ZNF592: variants seen among roughly 807,000 people sequenced by gnomAD.
The protein encoded by ZNF592 is zinc finger protein 592, also known as spinocerebellar ataxia, autosomal recessive 5.
In ZNF592, 11 loss-of-function variants were observed where a neutral mutation model predicts 80.3. The ratio of observed to expected loss-of-function variants is 0.14; its 90% CI spans 0.09 to 0.23. The LOEUF (loss-of-function observed/expected upper bound fraction) is 0.23. ZNF592 is among the 10% of genes least tolerant of loss of function. ZNF592 has a pLI of 1.00. For missense variants in ZNF592, 1,420 were observed against 1,633.9 expected, an observed-to-expected ratio of 0.87 and a Z score of 2.26; for synonymous variants, 646 against 640.3, an observed-to-expected ratio of 1.01 and a Z score of -0.13.
intron 1 of ZNF592, among the ~76,000 whole-genome samples, chr15:84,755,371 A>G (rs1022840463): frequency 2.6e-5 from 4 of 152,092 alleles, no homozygotes; most frequent in South Asian, 2.1e-4. Flanking sequence ...GGCTCAAGCA[A>G]TCCTCCTGCC....
chr15:84,755,344 C>G (rs1400578835), intron 1 of ZNF592, among the ~76,000 whole-genome samples: 5 of 151,868 alleles, frequency 3.3e-5, no homozygotes, highest in African/African-American at 1.2e-4. Flanking sequence ...ATTGCCTAGG[C>G]TAGCCTCAAA....
chr15:84,752,382 G>A (rs532747720), intron 1 of ZNF592, among the ~76,000 whole-genome samples: 17 of 152,272 alleles, frequency 1.1e-4, no homozygotes, highest in Admixed American at 4.6e-4. Flanking sequence ...GCACAGTTGC[G>A]GTTAAAGAGC....
intron 1 of ZNF592, among the ~76,000 whole-genome samples, chr15:84,755,776 C>T (rs1402977331): frequency 2.0e-5 from 3 of 152,098 alleles, no homozygotes; most frequent in African/African-American, 7.2e-5. Context: ...GAACTATGTC[C>T]CTATAGAGAT....
chr15:84,765,115 T>G (rs561263541), intron 2 of ZNF592, among the ~76,000 whole-genome samples: 4 of 152,268 alleles, frequency 2.6e-5, no homozygotes, highest in Non-Finnish European at 4.4e-5. Flanking sequence ...ATTCTACTTC[T>G]TGTCTCTATG....
intron 5 of ZNF592, among the ~76,000 whole-genome samples, chr15:84,792,314 C>T (rs186880355): frequency 2.7e-5 from 4 of 150,292 alleles, no homozygotes; most frequent in Admixed American, 6.6e-5. Context: ...CATTTTCCAG[C>T]GGACATTGAG....
chr15:84,750,999 G>T (rs1351098259), intron 1 of ZNF592, among the ~76,000 whole-genome samples: 1 of 152,216 alleles, frequency 6.6e-6, no homozygotes, highest in East Asian at 1.9e-4. Context: ...TAGCCCCTGT[G>T]CAGGGAATGG....
Position 84,784,763 on chromosome 15 carries a change from C to T in ZNF592, c.2088C>T (p.Ala696=). 1.2e-6 allele frequency: 2 copies of T among 1,614,184 alleles called. No homozygotes were observed. The highest frequency in any genetic ancestry group is 1.6e-4 in the Middle Eastern group (1 of 6,062). The change falls in exon 4 of 11, where the codon GCC becomes GCT. Residue 696 remains alanine (A), a synonymous_variant. Coordinates refer to ENST00000560079, the MANE Select transcript of ZNF592 (RefSeq NM_014630.3). The surrounding 1 kb of genome is among the most constrained non-coding windows in gnomAD (Gnocchi z 5.8). ...GCAGTGCCAGTCCCCCTCCTCCAGC[C>T]TTGCCACTCTACCCAGACCCTGTGA... The part of the protein sequence containing the change: ...TSGSASPPPP[A]LPLYPDPVRL...
chr15:84,777,197 C>A (rs1158984158), intron 2 of ZNF592, among the ~76,000 whole-genome samples: 2 of 150,780 alleles, frequency 1.3e-5, no homozygotes, highest in Non-Finnish European at 3.0e-5. Flanking sequence ...AAAAGAGGGG[C>A]TGGGCGCAGT....
chr15:84,788,099 A>G (rs1489168179), intron 4 of ZNF592, among the ~76,000 whole-genome samples: 1 of 152,190 alleles, frequency 6.6e-6, no homozygotes, highest in Non-Finnish European at 1.5e-5. Flanking sequence ...AAGCAATAAA[A>G]ACTTGATTAG....
At chr15:84,770,636 G>C (rs1899671218) in intron 2 of ZNF592, among the ~76,000 whole-genome samples, 1 of 151,932 alleles carries the variant, frequency 6.6e-6, no homozygotes, top group Non-Finnish European at 1.5e-5. Context: ...AGTTCTCCAT[G>C]TATAAAAAAT....
At position 84,799,713 on chromosome 15, in the gene ZNF592, C is replaced by G. The variant is rs932545662; in HGVS notation, c.3138-129C>G. The G allele has an allele frequency of 6.3e-6, 9 of 1,430,536 alleles. No homozygotes were observed. The highest frequency in any genetic ancestry group is 8.7e-6 in the Non-Finnish European group (9 of 1,029,764). The allele number at this position is 1,430,536 out of a possible 1,614,324, so 88.6% of individuals were successfully genotyped here. A position where few individuals can be genotyped will look rare whatever the true frequency, so the allele number is the denominator to read the frequency against. The stretch of plus-strand genomic sequence containing the variant: ...TGGCTGGCCTGCTGGCTGGATCTCT[C>G]TGGGGTTCCCAGCACTAGCCAGCCC... On this transcript the variant is annotated intron_variant, in intron 9 of 10. Transcript: ENST00000560079. This position sits in a 1 kb window ranked among gnomAD's most constrained non-coding sequence, Gnocchi z 4.2.
chr15:84,792,219 C>T (rs1429691029), intron 5 of ZNF592, among the ~76,000 whole-genome samples: 1 of 151,518 alleles, frequency 6.6e-6, no homozygotes, highest in Non-Finnish European at 1.5e-5. Context: ...TTGACAATAG[C>T]TTTTATATGG....
chr15:84,767,249 C>G (rs936035518), intron 2 of ZNF592, among the ~76,000 whole-genome samples: 5 of 152,138 alleles, frequency 3.3e-5, no homozygotes, highest in African/African-American at 7.2e-5. Context: ...TGGTCTCGAA[C>G]TCCTGAGCTC....
At position 84,773,976 on chromosome 15, in the gene ZNF592, G is replaced by C. The variant is rs563865258; in HGVS notation, c.-149-4207G>C. Reference sequence around the variant, plus strand: ...AGAGTGTTCTTTCTGATAATGCCTAGCATTTTCTGGGCCTTTTGTGATGAA... The same window carrying C: ...AGAGTGTTCTTTCTGATAATGCCTACCATTTTCTGGGCCTTTTGTGATGAA... On this transcript the variant is annotated intron_variant, in intron 2 of 10. Coordinates refer to ENST00000560079, the MANE Select transcript of ZNF592 (RefSeq NM_014630.3). Among the ~76,000 whole-genome samples the C allele has an allele frequency of 9.2e-5, 14 of 152,312 alleles. No individual in the cohort carries two copies. The South Asian group carries it at 2.9e-3, about 32-fold the overall frequency.
rs752941258 is a variant in ZNF592, at chr15:84,764,721, C to T, written c.-244C>T. The T allele has an allele frequency of 7.5e-6, 3 of 398,846 alleles. No homozygotes were observed. The highest frequency in any genetic ancestry group is 4.1e-5 in the African/African-American group (2 of 48,596). The allele number at this position is 398,846 out of a possible 1,614,324, so 24.7% of individuals were successfully genotyped here. A position where few individuals can be genotyped will look rare whatever the true frequency, so the allele number is the denominator to read the frequency against. On this transcript the variant is annotated 5_prime_UTR_variant, in exon 2 of 11. Coordinates refer to ENST00000560079, the MANE Select transcript of ZNF592 (RefSeq NM_014630.3). Reference sequence around the variant, plus strand: ...TCTTTCCTTAGGTGGTGTTTGGACTCTAGACCATGTGCCTAGGTAGAAGTT... The same window carrying T: ...TCTTTCCTTAGGTGGTGTTTGGACTTTAGACCATGTGCCTAGGTAGAAGTT...
Position 84,798,282 on chromosome 15 carries a change from G to C in ZNF592, c.2577-33G>C, listed in dbSNP as rs989497417. 1.9e-6 allele frequency: 3 copies of C among 1,613,586 alleles called. No individual in the cohort carries two copies. The highest frequency in any genetic ancestry group is 2.7e-5 in the African/African-American group (2 of 74,914). ...GGGTGGAGGGGCTGCATGGTGCCTT[G>C]GCCACCTCACCCCCTAGGGCTTGTC... On this transcript the variant is annotated intron_variant, in intron 6 of 10. Coordinates refer to ENST00000560079, the MANE Select transcript of ZNF592 (RefSeq NM_014630.3). The surrounding 1 kb of genome is among the most constrained non-coding windows in gnomAD (Gnocchi z 4.5).
intron 5 of ZNF592, 135 bp from the exon 6 acceptor site, chr15:84,797,734 T>TC: frequency 9.9e-7 from 1 of 1,010,694 alleles, no homozygotes. Flanking sequence ...AGGGTGGAAG[T>TC]CCAAGTGATT....
chr15:84,766,085 C>A (rs1899510424), intron 2 of ZNF592, among the ~76,000 whole-genome samples: 1 of 151,116 alleles, frequency 6.6e-6, no homozygotes. Context: ...GTGATCAAGA[C>A]TCACTGCAGC....
intron 2 of ZNF592, among the ~76,000 whole-genome samples, chr15:84,770,961 T>A (rs1899681742): frequency 1.3e-5 from 2 of 152,080 alleles, no homozygotes; most frequent in Non-Finnish European, 2.9e-5. Flanking sequence ...GGAAAAGGCA[T>A]GGCAGGGGGA....
Sources: allele counts gnomAD v4.1 joint callset (sites outside exome capture counted in the v4.1 genomes callset), GRCh38; gene constraint gnomAD v4.1.1; non-coding constraint Gnocchi (gnomAD v3.1); transcripts MANE v1.5; gene names NCBI Gene and HGNC (gene_info 2026-07-23, HGNC 2026-07-21).